The following OTUD7A variants were observed in gnomAD, a reference collection of about 807,000 sequenced individuals.
The protein encoded by OTUD7A is OTU domain-containing protein 7A.
A neutral mutation model predicts 65.7 loss-of-function variants in OTUD7A; 12 were observed. That is an observed-to-expected ratio of 0.18 (90% CI 0.12 to 0.30). The LOEUF is 0.30. Ranked by LOEUF, OTUD7A falls within the 10% of genes least tolerant of loss-of-function variation. The probability of loss-of-function intolerance (pLI) is 1.00; values close to 1 mark genes in which losing one functional copy is unlikely to be tolerated. For synonymous variants in OTUD7A, 641 were observed against 586.3 expected (o/e 1.09, Z -1.35); for missense variants, 1,148 against 1,304.8 (o/e 0.88, Z 1.85).
intron 6 of OTUD7A, among the ~76,000 whole-genome samples, chr15:31,527,619 G>C (rs1343321506): frequency 1.3e-5 from 2 of 152,200 alleles, no homozygotes; most frequent in Non-Finnish European, 2.9e-5. Context: ...GGACCTAATG[G>C]TCATTATTCA....
intron 1 of OTUD7A, among the ~76,000 whole-genome samples, chr15:31,675,875 A>C (rs1296607989): frequency 6.6e-6 from 1 of 152,232 alleles, no homozygotes; most frequent in East Asian, 1.9e-4. Context: ...AAAACAATAA[A>C]TCTTTAATGA....
chr15:31,596,327 T>C (rs542707366), intron 3 of OTUD7A, among the ~76,000 whole-genome samples: 5 of 152,360 alleles, frequency 3.3e-5, no homozygotes, highest in East Asian at 1.9e-4. Context: ...TTCACTGCTT[T>C]TAACCATTGA....
At chr15:31,507,066 CTTTAA>C (rs999363671) in intron 8 of OTUD7A, among the ~76,000 whole-genome samples, 4 of 152,078 alleles carry the variant, frequency 2.6e-5, no homozygotes, top group African/African-American at 9.7e-5. Flanking sequence ...TAAGGTCTGT[CTTTAA>C]TTTTTTATTT....
rs552548212 is a variant in OTUD7A at position 31,863,111 on chromosome 15, G to A, written c.-100+7396C>T. ...ACTCCATGTCTCACATCCAGGTCAC[G>A]CTGATGCTAGAGATGGATGCCCGTG... On this transcript the variant is annotated intron_variant, in intron 1 of 12. Coordinates refer to ENST00000307050, the MANE Select transcript of OTUD7A (RefSeq NM_001382637.1). 9.2e-5 allele frequency among the ~76,000 whole-genome samples: 14 copies of A among 152,296 alleles called. No individual in the cohort carries two copies. The South Asian group carries it at 1.0e-3, about 11-fold the overall frequency.
At chr15:31,843,862 T>G (rs1897242388) in intron 1 of OTUD7A, among the ~76,000 whole-genome samples, 1 of 152,182 alleles carries the variant, frequency 6.6e-6, no homozygotes, top group South Asian at 2.1e-4. Context: ...ACTGGAGTCA[T>G]GTTTACTCCC....
At chr15:31,523,739 C>T (rs1013984710) in intron 8 of OTUD7A, among the ~76,000 whole-genome samples, 3 of 152,218 alleles carry the variant, frequency 2.0e-5, no homozygotes, top group Admixed American at 2.0e-4. Context: ...CCCTGCAGCC[C>T]TCAAGCCCCA....
intron 1 of OTUD7A, among the ~76,000 whole-genome samples, chr15:31,757,326 C>A (rs1894842816): frequency 6.6e-6 from 1 of 150,502 alleles, no homozygotes; most frequent in Admixed American, 6.6e-5. Flanking sequence ...AGGGTTACTG[C>A]AGGGATGAAA....
At chr15:31,634,026 C>A (rs1891259606) in intron 3 of OTUD7A, among the ~76,000 whole-genome samples, 1 of 152,174 alleles carries the variant, frequency 6.6e-6, no homozygotes, top group South Asian at 2.1e-4. Flanking sequence ...GAGTGGCTAT[C>A]TTGGTAGGCT....
intron 1 of OTUD7A, among the ~76,000 whole-genome samples, chr15:31,789,661 T>C (rs1367106727): frequency 6.6e-6 from 1 of 151,652 alleles, no homozygotes; most frequent in Admixed American, 6.6e-5. Flanking sequence ...AAAATTGCAG[T>C]TACTGGGAGG....
chr15:31,848,839 T>C (rs1897351605), intron 1 of OTUD7A, among the ~76,000 whole-genome samples: 1 of 152,208 alleles, frequency 6.6e-6, no homozygotes, highest in Non-Finnish European at 1.5e-5. Flanking sequence ...CACTGGGCAC[T>C]CTCAGGCCTT....
intron 3 of OTUD7A, among the ~76,000 whole-genome samples, chr15:31,604,560 T>TTCTGCACAC (rs1175947947): frequency 2.1e-5 from 2 of 94,476 alleles, no homozygotes; most frequent in Admixed American, 2.2e-4. Context: ...CAACTGCACA[T>TTCTGCACAC]TCTGCACATT....
chr15:31,542,157 C>A (rs1888005481), intron 5 of OTUD7A, among the ~76,000 whole-genome samples: 1 of 152,016 alleles, frequency 6.6e-6, no homozygotes, highest in African/African-American at 2.4e-5. Context: ...TGCTCACAAC[C>A]CAAAACTACA....
chr15:31,647,911 G>A (rs199980965), intron 3 of OTUD7A, among the ~76,000 whole-genome samples: 33,042 of 148,762 alleles, frequency 0.22, 4,760 homozygotes, highest in East Asian at 0.65. Context: ...AGCAATGGGC[G>A]GAGGCAGAAG....
chr15:31,492,597 AAAC>A (rs1233833917), intron 10 of OTUD7A, among the ~76,000 whole-genome samples: 15 of 145,786 alleles, frequency 1.0e-4, no homozygotes, highest in African/African-American at 2.6e-4. Context: ...AAAAAAAAAA[AAAC>A]AAATCTCATT....
chr15:31,542,565 C>T (rs1888017094), intron 5 of OTUD7A, among the ~76,000 whole-genome samples: 1 of 151,716 alleles, frequency 6.6e-6, no homozygotes, highest in Non-Finnish European at 1.5e-5. Context: ...TTCAGAAAGG[C>T]ATGAATCAGG....
chr15:31,751,683 A>G (rs1228601098), intron 1 of OTUD7A, among the ~76,000 whole-genome samples: 1 of 152,234 alleles, frequency 6.6e-6, no homozygotes, highest in Non-Finnish European at 1.5e-5. Context: ...TCAGTGATGG[A>G]CTGAAAAAAG....
chr15:31,860,261 G>C (rs938840819), intron 1 of OTUD7A, among the ~76,000 whole-genome samples: 3 of 152,048 alleles, frequency 2.0e-5, no homozygotes, highest in African/African-American at 7.2e-5. Context: ...TTGTTTATTT[G>C]CAACCCAAGT....
At chr15:31,848,154 T>C (rs763504777) in intron 1 of OTUD7A, among the ~76,000 whole-genome samples, 12 of 152,184 alleles carry the variant, frequency 7.9e-5, no homozygotes, top group Non-Finnish European at 1.5e-4. Flanking sequence ...GCTCATGGCT[T>C]ACAGGAGCGG....
In OTUD7A at chr15:31,498,873, C is replaced by T. The variant is rs1325458148; in HGVS notation, c.1171+2817G>A. ...GTTGCCCATAGCTGACCAGTCCCAC[C>T]AGCTCCTGACCTTCCACCTCAAGCC... On this transcript the variant is annotated intron_variant, in intron 10 of 12. Coordinates refer to ENST00000307050, the MANE Select transcript of OTUD7A (RefSeq NM_001382637.1). This position sits in a 1 kb window ranked among gnomAD's most constrained non-coding sequence, Gnocchi z 4.2. 6.6e-6 allele frequency among the ~76,000 whole-genome samples: 1 copy of T among 152,232 alleles called. No individual in the cohort carries two copies. The highest frequency in any genetic ancestry group is 1.5e-5 in the Non-Finnish European group (1 of 68,030).
Sources: gnomAD v4.1 joint callset for allele counts (sites outside exome capture counted in the v4.1 genomes callset) on GRCh38, gnomAD v4.1.1 for gene constraint, Gnocchi (gnomAD v3.1) non-coding constraint, MANE v1.5 for transcripts, NCBI Gene and HGNC (gene_info 2026-07-23, HGNC 2026-07-21) for gene names.